Variants in SPAG16 observed in about 807,000 individuals in gnomAD.
SPAG16 encodes sperm-associated antigen 16 protein.
A neutral mutation model predicts 80.4 loss-of-function variants in SPAG16; 86 were observed. That is an observed-to-expected ratio of 1.07 (90% CI 0.90 to 1.28). SPAG16 has a LOEUF of 1.28. Ranked by LOEUF, SPAG16 falls within the 50% of genes most tolerant of loss-of-function variation. The probability of loss-of-function intolerance (pLI) is 0.00; values close to 1 mark genes in which losing one functional copy is unlikely to be tolerated. For missense variants in SPAG16, 870 were observed against 765.3 expected, an observed-to-expected ratio of 1.14 and a Z score of -1.61; for synonymous variants, 294 against 265.9, an observed-to-expected ratio of 1.11 and a Z score of -1.03.
intron 13 of SPAG16, among the ~76,000 whole-genome samples, chr2:214,067,991 T>G (rs1576052225): frequency 1.3e-5 from 2 of 152,262 alleles, no homozygotes; most frequent in East Asian, 1.9e-4. Flanking sequence ...TATTTTTTTT[T>G]GGAAAGTGAT....
chr2:214,352,349 G>C (rs1315583956), intron 15 of SPAG16, among the ~76,000 whole-genome samples: 1 of 152,150 alleles, frequency 6.6e-6, no homozygotes, highest in African/African-American at 2.4e-5. Context: ...TAGAGAGCAA[G>C]TATTTCAGTA....
intron 10 of SPAG16, among the ~76,000 whole-genome samples, chr2:213,556,482 A>G (rs1279643657): frequency 6.6e-6 from 1 of 152,074 alleles, no homozygotes; most frequent in Non-Finnish European, 1.5e-5. Context: ...ATCTTAAGTC[A>G]AAAACTACAA....
chr2:213,329,364 T>C (rs2124840970), intron 5 of SPAG16, among the ~76,000 whole-genome samples: 2 of 152,212 alleles, frequency 1.3e-5, no homozygotes, highest in Middle Eastern at 3.4e-3. Flanking sequence ...GACAAAGAAA[T>C]CCAGGCTGAG....
intron 15 of SPAG16, among the ~76,000 whole-genome samples, chr2:214,295,692 G>A (rs1694081553): frequency 6.6e-6 from 1 of 152,126 alleles, no homozygotes; most frequent in Non-Finnish European, 1.5e-5. Flanking sequence ...TTGGGAGGCT[G>A]AGGCTGCAGA....
At chr2:213,889,612 A>G (rs2076699554) in intron 11 of SPAG16, among the ~76,000 whole-genome samples, 1 of 150,730 alleles carries the variant, frequency 6.6e-6, no homozygotes, top group Admixed American at 6.7e-5. Flanking sequence ...ACACACACAC[A>G]CAAAATATAT....
Position 214,227,702 on chromosome 2 carries a change from A to ATGTGTGTGTGTGTG in SPAG16, c.1720+78460_1720+78473dup, listed in dbSNP as rs3044944. On this transcript the variant is annotated intron_variant, in intron 15 of 15. Coordinates refer to ENST00000331683, the MANE Select transcript of SPAG16 (RefSeq NM_024532.5). ...TAAATTTCTTTCTTGTGGAAGGTGT[A>ATGTGTGTGTGTGTG]TGTGTGTGTGTGTGTGTGTGTGTGT... Among the ~76,000 whole-genome samples, 51 of 145,764 alleles carry ATGTGTGTGTGTGTG rather than the reference A, an allele frequency of 3.5e-4. 1 individual carries two copies. Among genetic ancestry groups the ATGTGTGTGTGTGTG allele is most frequent in the Non-Finnish European group, 5.6e-4 (37 of 66,106 alleles).
Position 213,350,250 on chromosome 2 carries a change from A to T in SPAG16, c.645-278A>T, listed in dbSNP as rs144443149. ...TTAAAAAATTTCATGGGTAGCAGCA[A>T]TCTTCTGAGTACATACTTGGACACA... On this transcript the variant is annotated intron_variant, in intron 6 of 15. Coordinates refer to ENST00000331683, the MANE Select transcript of SPAG16 (RefSeq NM_024532.5). Among the ~76,000 whole-genome samples, 517 of 152,286 alleles carry T rather than the reference A, an allele frequency of 3.4e-3. 2 individuals are homozygous for T. The highest frequency in any genetic ancestry group is 5.8e-3 in the Non-Finnish European group (393 of 68,014).
At chr2:214,183,230 G>T (rs1184505741) in intron 15 of SPAG16, among the ~76,000 whole-genome samples, 1 of 151,928 alleles carries the variant, frequency 6.6e-6, no homozygotes, top group Non-Finnish European at 1.5e-5. Flanking sequence ...ACCTGAAGCA[G>T]ATCCATTTCT....
At chr2:214,173,937 A>G (rs2056976889) in intron 15 of SPAG16, among the ~76,000 whole-genome samples, 1 of 151,954 alleles carries the variant, frequency 6.6e-6, no homozygotes, top group African/African-American at 2.4e-5. Context: ...AAATCAATAA[A>G]TGTAATCCAG....
intron 10 of SPAG16, among the ~76,000 whole-genome samples, chr2:213,772,360 G>A (rs1454715050): frequency 6.6e-6 from 1 of 152,112 alleles, no homozygotes; most frequent in Non-Finnish European, 1.5e-5. Flanking sequence ...ATTGGGCCTG[G>A]TTAGTACTTG....
At chr2:214,188,957 G>A (rs1246317132) in intron 15 of SPAG16, among the ~76,000 whole-genome samples, 1 of 152,048 alleles carries the variant, frequency 6.6e-6, no homozygotes, top group African/African-American at 2.4e-5. Context: ...GAGGAAACAG[G>A]TAACATTTTA....
intron 10 of SPAG16, among the ~76,000 whole-genome samples, chr2:213,813,456 G>A (rs13025224): frequency 0.23 from 34,700 of 151,978 alleles, 4,374 homozygotes; most frequent in Middle Eastern, 0.37. Flanking sequence ...AGGGCAGGCG[G>A]GAGACCACAG....
At chr2:213,346,850 T>G (rs56189766) in intron 6 of SPAG16, among the ~76,000 whole-genome samples, 11,315 of 152,046 alleles carry the variant, frequency 0.074, 1,382 homozygotes, top group African/African-American at 0.25. Flanking sequence ...TCTTTTTTTT[T>G]TTGTTGTGTC....
chr2:213,661,588 T>C (rs1160508986), intron 10 of SPAG16, among the ~76,000 whole-genome samples: 1 of 152,200 alleles, frequency 6.6e-6, no homozygotes, highest in African/African-American at 2.4e-5. Flanking sequence ...TTTTGATTTG[T>C]TTCTTTTGAT....
At chr2:213,846,600 A>G in intron 10 of SPAG16, among the ~76,000 whole-genome samples, 2 of 152,180 alleles carry the variant, frequency 1.3e-5, no homozygotes, top group Middle Eastern at 6.8e-3. Flanking sequence ...ATAATAATGG[A>G]GTTATTTTTA....
chr2:213,731,813 A>G (rs1336464652), intron 10 of SPAG16, among the ~76,000 whole-genome samples: 1 of 152,208 alleles, frequency 6.6e-6, no homozygotes, highest in Non-Finnish European at 1.5e-5. Context: ...ATGGCTGCAT[A>G]GTATTCCATA....
At chr2:214,105,457 T>C (rs752719195) in intron 13 of SPAG16, among the ~76,000 whole-genome samples, 8 of 152,162 alleles carry the variant, frequency 5.3e-5, no homozygotes, top group Non-Finnish European at 8.8e-5. Context: ...TCATTGTACA[T>C]ATCAGGCAAC....
chr2:213,311,253 A>G (rs1258677429), intron 4 of SPAG16, among the ~76,000 whole-genome samples: 1 of 151,714 alleles, frequency 6.6e-6, no homozygotes, highest in Non-Finnish European at 1.5e-5. Context: ...CCTAAGAAAT[A>G]TAATAATTAC....
At chr2:213,774,059 G>A (rs531066909) in intron 10 of SPAG16, among the ~76,000 whole-genome samples, 6 of 152,102 alleles carry the variant, frequency 3.9e-5, no homozygotes, top group African/African-American at 7.2e-5. Flanking sequence ...TTACCGCAAT[G>A]TGTGGTAAAT....
Sources: gnomAD v4.1 joint callset for allele counts (sites outside exome capture counted in the v4.1 genomes callset) on GRCh38, gnomAD v4.1.1 for gene constraint, MANE v1.5 for transcripts, NCBI Gene and HGNC (gene_info 2026-07-23, HGNC 2026-07-21) for gene names.